MTPN: variants seen among roughly 807,000 people sequenced by gnomAD.
The protein encoded by MTPN is myotrophin, also known as granule cell differentiation protein.
MTPN carries 2 observed loss-of-function variants against 13.5 expected under a neutral mutation model. The ratio of observed to expected loss-of-function variants is 0.15; its 90% CI spans 0.06 to 0.47. The LOEUF is 0.47. MTPN is among the 20% of genes least tolerant of loss of function. The pLI is 0.97. For synonymous variants in MTPN, 46 were observed against 51.7 expected, an observed-to-expected ratio of 0.89 and a Z score of 0.48; for missense variants, 79 against 137.9, an observed-to-expected ratio of 0.57 and a Z score of 2.14.
chr7:135,959,217 T>G (rs1799488301), intron 1 of MTPN, among the ~76,000 whole-genome samples: 1 of 152,210 alleles, frequency 6.6e-6, no homozygotes, highest in Non-Finnish European at 1.5e-5. Flanking sequence ...AGTTTACTTA[T>G]TCTAATTCTA....
chr7:135,958,654 G>A (rs1185553207), intron 1 of MTPN, among the ~76,000 whole-genome samples: 1 of 152,152 alleles, frequency 6.6e-6, no homozygotes, highest in Non-Finnish European at 1.5e-5. Context: ...CATGGCACAA[G>A]CAATTCTTAT....
chr7:135,942,773 T>C (rs1488355708), intron 3 of MTPN, among the ~76,000 whole-genome samples: 1 of 152,208 alleles, frequency 6.6e-6, no homozygotes, highest in Admixed American at 6.5e-5. Flanking sequence ...TTAAGAAACT[T>C]GCTCAAACCC....
chr7:135,934,998 C>T (rs1799092522), intron 3 of MTPN, among the ~76,000 whole-genome samples: 1 of 152,184 alleles, frequency 6.6e-6, no homozygotes, highest in Admixed American at 6.5e-5. Flanking sequence ...TCCATAAATA[C>T]CTTGAATTCA....
chr7:135,963,668 C>T (rs1247837315), intron 1 of MTPN, among the ~76,000 whole-genome samples: 1 of 151,868 alleles, frequency 6.6e-6, no homozygotes, highest in Admixed American at 6.6e-5. Context: ...CGTCATCCTC[C>T]CAAATGCATC....
chr7:135,954,939 T>A (rs763563805), intron 1 of MTPN, among the ~76,000 whole-genome samples: 1 of 152,272 alleles, frequency 6.6e-6, no homozygotes, highest in African/African-American at 2.4e-5. Context: ...CGAGACTCCA[T>A]CTCAAAAAAT....
At chr7:135,949,858 T>C (rs1264060846) in intron 3 of MTPN, among the ~76,000 whole-genome samples, 2 of 152,218 alleles carry the variant, frequency 1.3e-5, no homozygotes, top group Non-Finnish European at 2.9e-5. Flanking sequence ...TTAGTAGGGC[T>C]TAAGATCCCA....
At chr7:135,962,584 C>A (rs1429133579) in intron 1 of MTPN, among the ~76,000 whole-genome samples, 1 of 151,924 alleles carries the variant, frequency 6.6e-6, no homozygotes, top group African/African-American at 2.4e-5. Flanking sequence ...TTTTTCCCAG[C>A]TGTTTTCAAT....
Position 135,929,886 on chromosome 7 carries a change from A to C in MTPN, c.*40T>G. 3 of 1,588,190 alleles carry C rather than the reference A, an allele frequency of 1.9e-6. No homozygotes were observed. The highest frequency in any genetic ancestry group is 1.1e-5 in the South Asian group (1 of 90,494). On this transcript the variant is annotated 3_prime_UTR_variant, in exon 4 of 4. Transcript: ENST00000393085. Reference sequence around the variant, plus strand: ...CAGACAGGCAGCAGTGTGAGGCCACAGGAGAGTCATTCTTCCGGAGTTATC... The same window carrying C: ...CAGACAGGCAGCAGTGTGAGGCCACCGGAGAGTCATTCTTCCGGAGTTATC...
At chr7:135,971,966 A>C (rs1799699456) in intron 1 of MTPN, among the ~76,000 whole-genome samples, 1 of 152,230 alleles carries the variant, frequency 6.6e-6, no homozygotes, top group Non-Finnish European at 1.5e-5. Context: ...ACACGTCTTG[A>C]GTAATGACAG....
intron 1 of MTPN, among the ~76,000 whole-genome samples, chr7:135,972,231 G>GCACACACACACACA (rs67168370): frequency 8.0e-6 from 1 of 124,700 alleles, no homozygotes; most frequent in African/African-American, 3.0e-5. Flanking sequence ...GCACGCGCGC[G>GCACACACACACACA]CACACACACA....
intron 1 of MTPN, among the ~76,000 whole-genome samples, chr7:135,959,935 A>G (rs950740299): frequency 6.6e-6 from 1 of 151,962 alleles, no homozygotes; most frequent in Non-Finnish European, 1.5e-5. Flanking sequence ...TTTCCTCTTT[A>G]CAATGCCAAG....
rs1390032644 is a variant in MTPN, at chr7:135,977,149, T to A, written c.-49A>T. The A allele has an allele frequency of 1.3e-5, 20 of 1,594,716 alleles. No individual in the cohort carries two copies. The highest frequency in any genetic ancestry group is 1.6e-5 in the Non-Finnish European group (19 of 1,163,508). On this transcript the variant is annotated 5_prime_UTR_variant, in exon 1 of 4. Transcript: ENST00000393085. ...GGCCGGGCAGAAGATGAGGAGGCGG[T>A]GGCAGCAGCAAGCGGATGCCGCCGG...
chr7:135,948,489 C>A lies in MTPN; in HGVS notation c.270+2110G>T, dbSNP rs572445116. ...AAAAACAAACTAGTTAAAAGTAAGA[C>A]AACTCACAATCAATAATTTAGCAAC... On this transcript the variant is annotated intron_variant, in intron 3 of 3. Coordinates refer to ENST00000393085, the MANE Select transcript of MTPN (RefSeq NM_145808.4). Among the ~76,000 whole-genome samples, 5 of 152,188 alleles carry A rather than the reference C, an allele frequency of 3.3e-5. No homozygotes were observed. In the East Asian group the frequency reaches 7.7e-4, roughly 24 times the overall value.
intron 3 of MTPN, among the ~76,000 whole-genome samples, chr7:135,933,639 TTCTC>T (rs1167895981): frequency 1.3e-5 from 2 of 152,370 alleles, no homozygotes; most frequent in African/African-American, 4.8e-5. Context: ...ACTAGTCATT[TTCTC>T]TCTGTTGTTC....
chr7:135,977,049 C>A lies in MTPN; in HGVS notation c.52G>T (p.Val18Leu). The A allele has an allele frequency of 6.2e-7, 1 of 1,613,348 alleles. No individual in the cohort carries two copies. The highest frequency in any genetic ancestry group is 8.5e-7 in the Non-Finnish European group (1 of 1,179,572). The change falls in exon 1 of 4, where the codon GTG (valine) becomes TTG (leucine). Residue 18 changes from valine (V) to leucine (L), a missense_variant. Physicochemically the swap from Val to Leu is conservative, Grantham distance 32 (BLOSUM62 1). Coordinates refer to ENST00000393085, the MANE Select transcript of MTPN (RefSeq NM_145808.4). ...WALKNGDLDE[V>L]KDYVAKGEDV... ...CTTACCTTGGCCACATAGTCTTTCA[C>A]CTCATCCAAGTCTCCGTTTTTCAGG...
chr7:135,946,417 G>C (rs1158836192), intron 3 of MTPN, among the ~76,000 whole-genome samples: 1 of 152,216 alleles, frequency 6.6e-6, no homozygotes, highest in Non-Finnish European at 1.5e-5. Context: ...CTGAGGGTTA[G>C]GGTTTTAAAA....
chr7:135,968,795 C>T (rs1201392362), intron 1 of MTPN, among the ~76,000 whole-genome samples: 2 of 150,542 alleles, frequency 1.3e-5, no homozygotes, highest in Non-Finnish European at 3.0e-5. Flanking sequence ...TTCAAATCAT[C>T]CTAATATTTT....
intron 3 of MTPN, among the ~76,000 whole-genome samples, chr7:135,937,989 C>T (rs964890154): frequency 3.4e-4 from 52 of 152,098 alleles, no homozygotes; most frequent in African/African-American, 9.7e-4. Flanking sequence ...TATATGCTTC[C>T]GGTGAACAGT....
intron 3 of MTPN, among the ~76,000 whole-genome samples, chr7:135,946,359 A>G (rs1799288770): frequency 1.3e-5 from 2 of 151,434 alleles, no homozygotes; most frequent in South Asian, 4.1e-4. Context: ...AAGCATCCAG[A>G]AGGATACACA....
Sources: allele counts gnomAD v4.1 joint callset (sites outside exome capture counted in the v4.1 genomes callset), GRCh38; gene constraint gnomAD v4.1.1; transcripts MANE v1.5; gene names NCBI Gene and HGNC (gene_info 2026-07-23, HGNC 2026-07-21).